Variants in LAMC2 observed in about 807,000 individuals in gnomAD.
LAMC2 encodes laminin subunit gamma 2, also known as laminin subunit gamma-2.
LAMC2 carries 97 observed loss-of-function variants against 140.2 expected under a neutral mutation model. The observed-to-expected ratio is 0.69, with a 90% CI of 0.59 to 0.82. LAMC2 has a LOEUF of 0.82. Among genes scored for constraint, LAMC2 ranks in the 40% least tolerant of loss-of-function variants. LAMC2 has a pLI of 0.00. For synonymous variants in LAMC2, 513 were observed against 540.2 expected (o/e 0.95, Z 0.70); for missense variants, 1,402 against 1,476.1 (o/e 0.95, Z 0.82).
the LAMC2 span, chr1:183,251,536 A>G: frequency 1.3e-5 from 2 of 152,580 alleles, no homozygotes; most frequent in East Asian, 3.9e-4. Flanking sequence ...ACACGACTGC[A>G]CGATGTGGAT....
downstream of LAMC2, chr1:183,249,516 C>T (rs201073253): frequency 1.3e-5 from 2 of 152,206 alleles, no homozygotes; most frequent in African/African-American, 2.4e-5. Context: ...AGGAACAGGA[C>T]CCCAGAGACA....
In LAMC2 at chr1:183,228,768, T is replaced by C; in HGVS notation, c.1714+149T>C. On this transcript the variant is annotated intron_variant, in intron 11 of 22. Coordinates refer to ENST00000264144, the MANE Select transcript of LAMC2 (RefSeq NM_005562.3). The surrounding 1 kb of genome is among the most constrained non-coding windows in gnomAD (Gnocchi z 4.3). Reference sequence around the variant, plus strand: ...GGCCTGTGAGCACCCTGGGCCTTTCTTCCTCTGTCAAAGGCCTTAAGACAG... The same window carrying C: ...GGCCTGTGAGCACCCTGGGCCTTTCCTCCTCTGTCAAAGGCCTTAAGACAG... 9.3e-7 allele frequency: 1 copy of C among 1,072,882 alleles called. No homozygotes were observed. The highest frequency in any genetic ancestry group is 2.4e-5 in the East Asian group (1 of 40,918). 66.5% of individuals were successfully genotyped at this position (1,072,882 alleles called of 1,614,324 possible).
chr1:183,201,472 C>T (rs1351250514), intron 1 of LAMC2, among the ~76,000 whole-genome samples: 1 of 152,168 alleles, frequency 6.6e-6, no homozygotes, highest in Non-Finnish European at 1.5e-5. Flanking sequence ...CTTCCACCCT[C>T]CCTAACTCCA....
chr1:183,240,778 C>G (rs1660112772), intron 22 of LAMC2: 1 of 841,188 alleles, frequency 1.2e-6, no homozygotes, highest in Admixed American at 4.9e-5. Flanking sequence ...TCAGAAAGAT[C>G]ACTAGGGCAG....
intron 1 of LAMC2, among the ~76,000 whole-genome samples, chr1:183,199,368 C>A (rs1412891741): frequency 2.6e-5 from 4 of 152,056 alleles, no homozygotes; most frequent in Non-Finnish European, 5.9e-5. Context: ...TCCCAAAGTG[C>A]TGGGATTACA....
At chr1:183,231,994 C>A (rs1659813169) in intron 12 of LAMC2, among the ~76,000 whole-genome samples, 193 bp from the exon 13 acceptor site, 1 of 152,200 alleles carries the variant, frequency 6.6e-6, no homozygotes, top group South Asian at 2.1e-4. Flanking sequence ...TGCCCAAGGT[C>A]ATACAGCTAG....
rs553123307 is a variant in LAMC2 at position 183,193,108 on chromosome 1, G to A, written c.79+6677G>A. Among the ~76,000 whole-genome samples, 6 of 152,298 alleles carry A rather than the reference G, an allele frequency of 3.9e-5. No individual in the cohort carries two copies. In the South Asian group the frequency reaches 1.2e-3, roughly 32 times the overall value. On this transcript the variant is annotated intron_variant, in intron 1 of 22. Coordinates refer to ENST00000264144, the MANE Select transcript of LAMC2 (RefSeq NM_005562.3). ...AGACATCTATCTCGTCTTTTCAGAA[G>A]TCTCCATTTGTGTATATGATTCAAT...
intron 1 of LAMC2, among the ~76,000 whole-genome samples, chr1:183,188,059 G>C (rs1658209423): frequency 6.6e-6 from 1 of 152,108 alleles, no homozygotes; most frequent in African/African-American, 2.4e-5. Flanking sequence ...ATAAAATCAG[G>C]CTTAAGAGGA....
chr1:183,241,218 A>G (rs1660128015), intron 22 of LAMC2: 1 of 833,376 alleles, frequency 1.2e-6, no homozygotes, highest in Non-Finnish European at 1.4e-6. Flanking sequence ...ACTGCTCTCC[A>G]GCCTGGGGAA....
At chr1:183,257,128 A>G in the LAMC2 span, among the ~76,000 whole-genome samples, 1 of 151,832 alleles carries the variant, frequency 6.6e-6, no homozygotes, top group East Asian at 2.0e-4. Context: ...TATTCCTTCC[A>G]GCTGTATTTC....
intron 22 of LAMC2, chr1:183,241,328 G>A: frequency 1.6e-5 from 16 of 985,146 alleles, no homozygotes; most frequent in Non-Finnish European, 1.9e-5. Flanking sequence ...GTTATACCTT[G>A]ATGTAACCAG....
chr1:183,222,763 A>T (rs75339672), intron 6 of LAMC2, among the ~76,000 whole-genome samples: 5,059 of 152,302 alleles, frequency 0.033, 123 homozygotes, highest in South Asian at 0.11. Context: ...GCCTCCCAGA[A>T]TTATTGCCAG....
chr1:183,252,445 G>A, the LAMC2 span: 1 of 410,810 alleles, frequency 2.4e-6, no homozygotes, highest in Non-Finnish European at 4.7e-6. Flanking sequence ...CCGGAGACTA[G>A]AGGAAAGTCT....
In LAMC2 at chr1:183,218,249, G is replaced by C. The variant is rs550846079; in HGVS notation, c.405-141G>C. The C allele has an allele frequency of 5.7e-5, 41 of 715,024 alleles. No homozygotes were observed. In the East Asian group the frequency reaches 1.0e-3, roughly 18 times the overall value. 44.3% of individuals were successfully genotyped at this position (715,024 alleles called of 1,614,324 possible). A position where few individuals can be genotyped will look rare whatever the true frequency, so the allele number is the denominator to read the frequency against. Reference sequence around the variant, plus strand: ...TTAAGTGTGTGAGAGAGGTCCGCACGGGCGAGGATGGCTAGGAGAAGCCTC... The same window carrying C: ...TTAAGTGTGTGAGAGAGGTCCGCACCGGCGAGGATGGCTAGGAGAAGCCTC... On this transcript the variant is annotated intron_variant, in intron 3 of 22. Coordinates refer to ENST00000264144, the MANE Select transcript of LAMC2 (RefSeq NM_005562.3).
rs762790427 is a variant in LAMC2, at chr1:183,238,327, C to T, written c.2775C>T (p.Ser925=). 8 of 1,613,820 alleles carry T rather than the reference C, an allele frequency of 5.0e-6. No homozygotes were observed. The South Asian group carries it at 8.8e-5, about 18-fold the overall frequency. ...TACAGAAATCAGATCAGCTGCTTTC[C>T]CGTGCCAATCTTGCTAAAAGCAGAG... ...SGREKSDQLL[S]RANLAKSRAQ... Residue 925 remains serine (S), a synonymous_variant, in exon 19 of 23, where the codon TCC becomes TCT. Coordinates refer to ENST00000264144, the MANE Select transcript of LAMC2 (RefSeq NM_005562.3).
Position 183,243,552 on chromosome 1 carries a change from G to A in LAMC2, c.*152G>A. The A allele has an allele frequency of 1.1e-6, 1 of 921,660 alleles. No homozygotes were observed. The highest frequency in any genetic ancestry group is 2.5e-5 in the East Asian group (1 of 40,754). 57.1% of individuals were successfully genotyped at this position (921,660 alleles called of 1,614,324 possible). A position where few individuals can be genotyped will look rare whatever the true frequency, so the allele number is the denominator to read the frequency against. ...ACCTGACCCCATTCCTGATCCCATGGCCAGGTGGTTGTCTTATTGCACCAT... is the reference window on the plus strand; with the variant it reads ...ACCTGACCCCATTCCTGATCCCATGACCAGGTGGTTGTCTTATTGCACCAT... On this transcript the variant is annotated 3_prime_UTR_variant, in exon 23 of 23. Transcript: ENST00000264144.
Position 183,215,302 on chromosome 1 carries a change from G to A in LAMC2, c.269-151G>A, listed in dbSNP as rs1298838047. The A allele has an allele frequency of 3.1e-5, 25 of 818,218 alleles. No homozygotes were observed. The East Asian group carries it at 5.1e-4, about 17-fold the overall frequency. 50.7% of individuals were successfully genotyped at this position (818,218 alleles called of 1,614,324 possible). On this transcript the variant is annotated intron_variant, in intron 2 of 22. Coordinates refer to ENST00000264144, the MANE Select transcript of LAMC2 (RefSeq NM_005562.3). Reference sequence around the variant, plus strand: ...CTGTCAGCACCATCCCCGGTGACACGCAGGCGATGTGAAGTGACTGTTAAA... The same window carrying A: ...CTGTCAGCACCATCCCCGGTGACACACAGGCGATGTGAAGTGACTGTTAAA...
rs78056473 is a variant in LAMC2, at chr1:183,207,875, C to T, written c.80-6C>T. 1.5e-3 allele frequency: 2,351 copies of T among 1,599,604 alleles called. 5 individuals carry two copies. The highest frequency in any genetic ancestry group is 1.9e-3 in the Non-Finnish European group (2,168 of 1,171,458). On this transcript the variant is annotated splice_region_variant and splice_polypyrimidine_tract_variant and intron_variant, in intron 1 of 22. Coordinates refer to ENST00000264144, the MANE Select transcript of LAMC2 (RefSeq NM_005562.3). ...TGACGATCTCTTTTGTATGCTTCCTCCCCAGTCTGTGATTGCAATGGGAAG... is the reference window on the plus strand; with the variant it reads ...TGACGATCTCTTTTGTATGCTTCCTTCCCAGTCTGTGATTGCAATGGGAAG...
At position 183,244,078 on chromosome 1, in the gene LAMC2, T is replaced by C. The variant is rs1166285717; in HGVS notation, c.*678T>C. 1 of 152,382 alleles carries C rather than the reference T, an allele frequency of 6.6e-6. No homozygotes were observed. The highest frequency in any genetic ancestry group is 1.5e-5 in the Non-Finnish European group (1 of 68,104). The allele number at this position is 152,382 out of a possible 1,614,324, so 9.4% of individuals were successfully genotyped here. On this transcript the variant is annotated 3_prime_UTR_variant, in exon 23 of 23. Coordinates refer to ENST00000264144, the MANE Select transcript of LAMC2 (RefSeq NM_005562.3). ...CTGGACCTGGGCATGACATCCTTTC[T>C]TTTAATGATGCCATGGCAACTTAGA...
Sources: allele counts gnomAD v4.1 joint callset (sites outside exome capture counted in the v4.1 genomes callset), GRCh38; gene constraint gnomAD v4.1.1; non-coding constraint Gnocchi (gnomAD v3.1); transcripts MANE v1.5; gene names NCBI Gene and HGNC (gene_info 2026-07-23, HGNC 2026-07-21).